KRTAP4-4: variants seen among roughly 807,000 people sequenced by gnomAD.
KRTAP4-4 encodes the protein keratin-associated protein 4-4.
For missense variants in KRTAP4-4, 186 were observed against 206.9 expected, an observed-to-expected ratio of 0.90 and a Z score of 0.62; for synonymous variants, 88 against 76.4, an observed-to-expected ratio of 1.15 and a Z score of -0.79.
chr17:41,160,528 C>T lies in KRTAP4-4; in HGVS notation c.164G>A (p.Cys55Tyr). Residue 55 changes from cysteine (C) to tyrosine (Y), a missense_variant, in exon 1 of 1, where the codon TGC becomes TAC. By Grantham distance (194) the Cys-to-Tyr change is radical (BLOSUM62 -2). Coordinates refer to ENST00000390661, the MANE Select transcript of KRTAP4-4 (RefSeq NM_032524.2). Reference protein sequence around the residue: ...CCRPQCCQTTCCRTTCCHPSC... With the variant: ...CCRPQCCQTTYCRTTCCHPSC... ...GGGGTGGCAGCAGGTGGTCCTGCAG[C>T]AGGTGGTCTGGCAGCACTGGGGTCT... 6.2e-7 allele frequency: 1 copy of T among 1,613,692 alleles called. No individual in the cohort carries two copies. The highest frequency in any genetic ancestry group is 8.5e-7 in the Non-Finnish European group (1 of 1,179,856).
In KRTAP4-4 at chr17:41,160,567, A is replaced by G. The variant is rs2014958051; in HGVS notation, c.125T>C (p.Val42Ala). ...RTTCCRPSCCVSSCCRPQCCQ... is the reference protein window; with the variant it reads ...RTTCCRPSCCASSCCRPQCCQ... Reference sequence around the variant, plus strand: ...GCACTGGGGTCTGCAGCAGCTGGACACACAGCAGCTGGGGCGGCAGCAGGT... The same window carrying G: ...GCACTGGGGTCTGCAGCAGCTGGACGCACAGCAGCTGGGGCGGCAGCAGGT... Residue 42 changes from valine to alanine, a missense_variant, in exon 1 of 1, where the codon GTG becomes GCG. By Grantham distance (64) the Val-to-Ala change is moderately conservative. Coordinates refer to ENST00000390661, the MANE Select transcript of KRTAP4-4 (RefSeq NM_032524.2). The G allele has an allele frequency of 4.3e-6, 7 of 1,612,758 alleles. No individual in the cohort carries two copies. The highest frequency in any genetic ancestry group is 5.9e-6 in the Non-Finnish European group (7 of 1,179,648).
At position 41,160,740 on chromosome 17, in the gene KRTAP4-4, G is replaced by A; in HGVS notation, c.-49C>T. On this transcript the variant is annotated 5_prime_UTR_variant, in exon 1 of 1. Transcript: ENST00000390661. ...GGTGGGTTTCCAGGAAGGAGGGTTT[G>A]GAAGGCTTGGAAGTCTCCTTGCCCC... 3 of 1,571,422 alleles carry A rather than the reference G, an allele frequency of 1.9e-6. No homozygotes were observed. Among genetic ancestry groups the A allele is most frequent in the South Asian group, 2.4e-5 (2 of 82,462 alleles).
In KRTAP4-4 at chr17:41,160,035, A is replaced by C; in HGVS notation, c.*156T>G. 2 of 1,064,682 alleles carry C rather than the reference A, an allele frequency of 1.9e-6. No homozygotes were observed. Among genetic ancestry groups the C allele is most frequent in the Non-Finnish European group, 1.3e-6 (1 of 755,850 alleles). The allele number at this position is 1,064,682 out of a possible 1,614,324, so 66.0% of individuals were successfully genotyped here. A position where few individuals can be genotyped will look rare whatever the true frequency, so the allele number is the denominator to read the frequency against. The stretch of plus-strand genomic sequence containing the variant: ...TCTGGCAGCAGTTGGGGCGGCAGCA[A>C]CTGGAGATGCAGCAGGAGAGCCTGC... On this transcript the variant is annotated 3_prime_UTR_variant, in exon 1 of 1. Transcript: ENST00000390661.
At position 41,160,558 on chromosome 17, in the gene KRTAP4-4, C is replaced by T. The variant is rs908348278; in HGVS notation, c.134G>A (p.Cys45Tyr). ...CCRPSCCVSS[C>Y]CRPQCCQTTC... The stretch of plus-strand genomic sequence containing the variant: ...GGTCTGGCAGCACTGGGGTCTGCAG[C>T]AGCTGGACACACAGCAGCTGGGGCG... Residue 45 changes from cysteine to tyrosine, a missense_variant, in exon 1 of 1, where the codon TGC becomes TAC. Cys to Tyr is a radical substitution (Grantham distance 194). Coordinates refer to ENST00000390661, the MANE Select transcript of KRTAP4-4 (RefSeq NM_032524.2). The T allele has an allele frequency of 1.3e-5, 21 of 1,613,284 alleles. No individual in the cohort carries two copies. The highest frequency in any genetic ancestry group is 1.6e-5 in the Non-Finnish European group (19 of 1,179,846).
In KRTAP4-4 at chr17:41,160,489, G is replaced by A. The variant is rs34361798; in HGVS notation, c.203C>T (p.Ser68Phe). ...GCAGCACTGGGGTCTGCAGCAGCTG[G>A]ACACACAGCAGCTGGGGTGGCAGCA... Reference protein sequence around the residue: ...TTCCHPSCCVSSCCRPQCCQS... With the variant: ...TTCCHPSCCVFSCCRPQCCQS... Residue 68 changes from serine (S) to phenylalanine (F), a missense_variant, in exon 1 of 1, where the codon TCC becomes TTC. Transcript: ENST00000390661. 6,864 of 1,613,040 alleles carry A rather than the reference G, an allele frequency of 4.3e-3. 230 individuals carry two copies. The African/African-American group carries it at 0.082, about 19-fold the overall frequency.
chr17:41,159,762 G>T lies in KRTAP4-4; in HGVS notation c.*429C>A. 1 of 233,298 alleles carries T rather than the reference G, an allele frequency of 4.3e-6. No homozygotes were observed. The highest frequency in any genetic ancestry group is 8.3e-6 in the Non-Finnish European group (1 of 119,834). 14.5% of individuals were successfully genotyped at this position (233,298 alleles called of 1,614,324 possible). A position where few individuals can be genotyped will look rare whatever the true frequency, so the allele number is the denominator to read the frequency against. ...GAGAGCAAATATTTCAATTAAGATA[G>T]TTGACAGATTTCAGAGCAAATTACA... is the stretch of plus-strand genomic sequence containing the variant. On this transcript the variant is annotated 3_prime_UTR_variant, in exon 1 of 1. Transcript: ENST00000390661.
Position 41,160,239 on chromosome 17 carries a change from A to G in KRTAP4-4, c.453T>C (p.Cys151=), listed in dbSNP as rs780215507. ...CRTTCCRPSC[C]VSRCYRPHCG... is the part of the protein sequence containing the mutation. ...AATGGGGCCTGTAGCACCTGGACAC[A>G]CAGCAGCTGGGGCGGCAGCAGGTGG... Residue 151 remains cysteine, a synonymous_variant, in exon 1 of 1, where the codon TGT becomes TGC. Transcript: ENST00000390661. 1.2e-6 allele frequency: 2 copies of G among 1,611,674 alleles called. No homozygotes were observed. The highest frequency in any genetic ancestry group is 2.2e-5 in the South Asian group (2 of 90,970).
rs385055 is a variant in KRTAP4-4, at chr17:41,160,618, T to C, written c.74A>G (p.Tyr25Cys). The change falls in exon 1 of 1, where the codon TAC becomes TGC. Residue 25 changes from tyrosine (Y) to cysteine (C), a missense_variant. Transcript: ENST00000390661. ...CGLENCCRPS[Y>C]CQTTCCRTTC... ...GGTCCTGCAGCAGGTGGTCTGGCAG[T>C]AGCTGGGACGGCAGCAGTTCTCTAG... 37,295 of 1,613,236 alleles carry C rather than the reference T, an allele frequency of 0.023. 7,149 individuals carry two copies. The African/African-American group carries it at 0.43, about 19-fold the overall frequency.
Position 41,160,110 on chromosome 17 carries a change from G to A in KRTAP4-4, c.*81C>T. 8 of 1,579,552 alleles carry A rather than the reference G, an allele frequency of 5.1e-6. No individual in the cohort carries two copies. The highest frequency in any genetic ancestry group is 6.0e-6 in the Non-Finnish European group (7 of 1,161,470). On this transcript the variant is annotated 3_prime_UTR_variant, in exon 1 of 1. Transcript: ENST00000390661. ...AGCTACTGCTGCTAGAGATACTGCAGGAAGGCTGGCAGCAGCTGGAAATGC... is the reference window on the plus strand; with the variant it reads ...AGCTACTGCTGCTAGAGATACTGCAAGAAGGCTGGCAGCAGCTGGAAATGC...
In KRTAP4-4 at chr17:41,160,378, C is replaced by A; in HGVS notation, c.314G>T (p.Cys105Phe). The A allele has an allele frequency of 6.2e-7, 1 of 1,611,504 alleles. No homozygotes were observed. Among genetic ancestry groups the A allele is most frequent in the Non-Finnish European group, 8.5e-7 (1 of 1,179,474 alleles). Residue 105 changes from cysteine (C) to phenylalanine (F), a missense_variant, in exon 1 of 1, where the codon TGC (cysteine) becomes TTC (phenylalanine). Cys to Phe is a radical substitution (Grantham distance 205). Transcript: ENST00000390661. ...AGACTGGCAGCACTGGGGCCTGCAG[C>A]AGCTGGGGCGGCAGCAGGTGGTCCT... Reference protein sequence around the residue: ...CCRTTCCRPSCCRPQCCQSVC... With the variant: ...CCRTTCCRPSFCRPQCCQSVC...
rs1400345642 is a variant in KRTAP4-4 at position 41,160,652 on chromosome 17, C to A, written c.40G>T (p.Gly14Cys). The A allele has an allele frequency of 1.2e-6, 2 of 1,613,628 alleles. No individual in the cohort carries two copies. Among genetic ancestry groups the A allele is most frequent in the Admixed American group, 1.7e-5 (1 of 59,994 alleles). The stretch of plus-strand genomic sequence containing the variant: ...CGGCAGCAGTTCTCTAGGCCACAGC[C>A]CTGGTCAGAGCACACAGAGCCACAA... ...SCCGSVCSDQGCGLENCCRPS... is the reference protein window; with the variant it reads ...SCCGSVCSDQCCGLENCCRPS... The change falls in exon 1 of 1, where the codon GGC (glycine) becomes TGC (cysteine). Residue 14 changes from glycine (G) to cysteine (C), a missense_variant. By Grantham distance (159) the Gly-to-Cys change is radical. Coordinates refer to ENST00000390661, the MANE Select transcript of KRTAP4-4 (RefSeq NM_032524.2).
Position 41,160,393 on chromosome 17 carries a change from CAGG to C in KRTAP4-4, c.296_298del (p.Thr99_Cys100delinsSer), listed in dbSNP as rs2014953645. On this transcript the variant is annotated inframe_deletion, in exon 1 of 1. Transcript: ENST00000390661. The stretch of plus-strand genomic sequence containing the variant: ...GGGCCTGCAGCAGCTGGGGCGGCAG[CAGG>C]TGGTCCTACAGCAGGTAGTCTGGCA... 1 of 1,611,396 alleles carries C rather than the reference CAGG, an allele frequency of 6.2e-7. No homozygotes were observed. Among genetic ancestry groups the C allele is most frequent in the African/African-American group, 1.4e-5 (1 of 74,026 alleles).
chr17:41,160,430 G>T lies in KRTAP4-4; in HGVS notation c.262C>A (p.Pro88Thr), dbSNP rs2143983490. ...SVCCQPTCCR[P>T]QCCQTTCCRT... ...CAGCAGGTAGTCTGGCAGCATTGGG[G>T]TCTGCAGCAGGTGGGCTGGCAGCAC... The change falls in exon 1 of 1, where the codon CCC (proline) becomes ACC (threonine). Residue 88 changes from proline (P) to threonine (T), a missense_variant. Transcript: ENST00000390661. 1 of 1,611,220 alleles carries T rather than the reference G, an allele frequency of 6.2e-7. No homozygotes were observed. The highest frequency in any genetic ancestry group is 1.3e-5 in the African/African-American group (1 of 74,294).
rs971615771 is a variant in KRTAP4-4, at chr17:41,160,488, G to T, written c.204C>A (p.Ser68=). The T allele has an allele frequency of 5.6e-6, 9 of 1,612,834 alleles. No individual in the cohort carries two copies. The highest frequency in any genetic ancestry group is 7.6e-6 in the Non-Finnish European group (9 of 1,179,736). Residue 68 remains serine (S), a synonymous_variant, in exon 1 of 1, where the codon TCC becomes TCA. Transcript: ENST00000390661. ...TTCCHPSCCV[S]SCCRPQCCQS... is the part of the protein sequence containing the mutation. ...GGCAGCACTGGGGTCTGCAGCAGCTGGACACACAGCAGCTGGGGTGGCAGC... is the reference window on the plus strand; with the variant it reads ...GGCAGCACTGGGGTCTGCAGCAGCTTGACACACAGCAGCTGGGGTGGCAGC...
In KRTAP4-4 at chr17:41,160,519, G is replaced by A; in HGVS notation, c.173C>T (p.Thr58Ile). 1 of 1,613,290 alleles carries A rather than the reference G, an allele frequency of 6.2e-7. No homozygotes were observed. The change falls in exon 1 of 1, where the codon ACC becomes ATC. Residue 58 changes from threonine to isoleucine, a missense_variant. Thr to Ile is a moderately conservative substitution (Grantham distance 89). Coordinates refer to ENST00000390661, the MANE Select transcript of KRTAP4-4 (RefSeq NM_032524.2). The stretch of plus-strand genomic sequence containing the variant: ...ACAGCAGCTGGGGTGGCAGCAGGTG[G>A]TCCTGCAGCAGGTGGTCTGGCAGCA... ...PQCCQTTCCR[T>I]TCCHPSCCVS...
In KRTAP4-4 at chr17:41,160,573, C is replaced by A. The variant is rs200457764; in HGVS notation, c.119G>T (p.Cys40Phe). 1,023 of 1,612,514 alleles carry A rather than the reference C, an allele frequency of 6.3e-4. 1 individual carries two copies. Among genetic ancestry groups the A allele is most frequent in the Non-Finnish European group, 7.9e-4 (932 of 1,179,630 alleles). The change falls in exon 1 of 1, where the codon TGC becomes TTC. Residue 40 changes from cysteine (C) to phenylalanine (F), a missense_variant. Cys to Phe is a radical substitution (Grantham distance 205). Coordinates refer to ENST00000390661, the MANE Select transcript of KRTAP4-4 (RefSeq NM_032524.2). The stretch of plus-strand genomic sequence containing the variant: ...GGGTCTGCAGCAGCTGGACACACAG[C>A]AGCTGGGGCGGCAGCAGGTGGTCCT... ...CCRTTCCRPS[C>F]CVSSCCRPQC...
chr17:41,160,114 G>A lies in KRTAP4-4; in HGVS notation c.*77C>T, dbSNP rs1415775082. ...ACTGCTGCTAGAGATACTGCAGGAA[G>A]GCTGGCAGCAGCTGGAAATGCAATA... On this transcript the variant is annotated 3_prime_UTR_variant, in exon 1 of 1. Coordinates refer to ENST00000390661, the MANE Select transcript of KRTAP4-4 (RefSeq NM_032524.2). The A allele has an allele frequency of 1.3e-6, 2 of 1,581,876 alleles. No homozygotes were observed. Among genetic ancestry groups the A allele is most frequent in the African/African-American group, 2.7e-5 (2 of 74,636 alleles).
rs1288574100 is a variant in KRTAP4-4 at position 41,160,555 on chromosome 17, C to T, written c.137G>A (p.Cys46Tyr). The T allele has an allele frequency of 6.2e-7, 1 of 1,611,864 alleles. No individual in the cohort carries two copies. Among genetic ancestry groups the T allele is most frequent in the Non-Finnish European group, 8.5e-7 (1 of 1,179,378 alleles). The change falls in exon 1 of 1, where the codon TGC becomes TAC. Residue 46 changes from cysteine (C) to tyrosine (Y), a missense_variant. Transcript: ENST00000390661. ...CRPSCCVSSC[C>Y]RPQCCQTTCC... ...GGTGGTCTGGCAGCACTGGGGTCTGCAGCAGCTGGACACACAGCAGCTGGG... is the reference window on the plus strand; with the variant it reads ...GGTGGTCTGGCAGCACTGGGGTCTGTAGCAGCTGGACACACAGCAGCTGGG...
At position 41,159,821 on chromosome 17, in the gene KRTAP4-4, G is replaced by C; in HGVS notation, c.*370C>G. 5.8e-6 allele frequency: 2 copies of C among 343,392 alleles called. No individual in the cohort carries two copies. Among genetic ancestry groups the C allele is most frequent in the Non-Finnish European group, 1.1e-5 (2 of 185,988 alleles). 21.3% of individuals were successfully genotyped at this position (343,392 alleles called of 1,614,324 possible). ...TCATTTGGTAGAGAGGTAAAATGTG[G>C]GGGGAGCATATATTTGGAGGCCAGA... On this transcript the variant is annotated 3_prime_UTR_variant, in exon 1 of 1. Coordinates refer to ENST00000390661, the MANE Select transcript of KRTAP4-4 (RefSeq NM_032524.2).
Sources: allele counts gnomAD v4.1 joint callset, GRCh38; gene constraint gnomAD v4.1.1; transcripts MANE v1.5; gene names NCBI Gene and HGNC (gene_info 2026-07-23, HGNC 2026-07-21).